The following ZNF567 variants were observed in gnomAD, a reference collection of about 807,000 sequenced individuals.
ZNF567 encodes zinc finger protein 567.
ZNF567 carries 36 observed loss-of-function variants against 53.9 expected under a neutral mutation model. The ratio of observed to expected loss-of-function variants is 0.67; its 90% CI spans 0.51 to 0.88. The LOEUF (loss-of-function observed/expected upper bound fraction) is 0.88. ZNF567 is among the 40% of genes least tolerant of loss of function. The probability of loss-of-function intolerance (pLI) is 0.00; values close to 1 mark genes in which losing one functional copy is unlikely to be tolerated. For synonymous variants in ZNF567, 224 were observed against 260.4 expected (o/e 0.86, Z 1.35); for missense variants, 619 against 764.7 (o/e 0.81, Z 2.25).
intron 3 of ZNF567, among the ~76,000 whole-genome samples, chr19:36,711,072 TTGTG>T (rs34088180): frequency 1.3e-5 from 2 of 150,298 alleles, no homozygotes; most frequent in African/African-American, 2.4e-5. Context: ...CTCTCACTTT[TTGTG>T]TGTGTGTGTG....
At chr19:36,713,074 A>G (rs2039870706) in intron 5 of ZNF567, among the ~76,000 whole-genome samples, 1 of 152,178 alleles carries the variant, frequency 6.6e-6, no homozygotes, top group Non-Finnish European at 1.5e-5. Flanking sequence ...TTGGGAGGCC[A>G]AGGTGAGAGG....
the ZNF567 span, among the ~76,000 whole-genome samples, chr19:36,667,667 T>A: frequency 6.7e-6 from 1 of 150,360 alleles, no homozygotes; most frequent in Admixed American, 6.6e-5. Context: ...TTTTTTTTTT[T>A]TTGAGACGGA....
At chr19:36,703,428 G>A (rs1375580904) in intron 3 of ZNF567, among the ~76,000 whole-genome samples, 1 of 152,124 alleles carries the variant, frequency 6.6e-6, no homozygotes, top group Non-Finnish European at 1.5e-5. Context: ...ATCTCCAGCT[G>A]CATGCTGGGA....
At chr19:36,716,188 C>A (rs2040057641) in intron 5 of ZNF567, among the ~76,000 whole-genome samples, 1 of 152,038 alleles carries the variant, frequency 6.6e-6, no homozygotes, top group Non-Finnish European at 1.5e-5. Context: ...CTCATCTGGT[C>A]TTTTCAACTT....
At chr19:36,693,032 A>G (rs1199959316) in intron 2 of ZNF567, among the ~76,000 whole-genome samples, 1 of 152,074 alleles carries the variant, frequency 6.6e-6, no homozygotes, top group Admixed American at 6.6e-5. Context: ...TCACACCTAT[A>G]ATCCCAGCAC....
At chr19:36,691,055 G>A (rs2038579928) in intron 2 of ZNF567, among the ~76,000 whole-genome samples, 1 of 152,194 alleles carries the variant, frequency 6.6e-6, no homozygotes, top group African/African-American at 2.4e-5. Flanking sequence ...GATTAACCAA[G>A]TACAGTGCCA....
intron 5 of ZNF567, among the ~76,000 whole-genome samples, chr19:36,717,302 T>G (rs1455180055): frequency 6.6e-6 from 1 of 152,108 alleles, no homozygotes; most frequent in East Asian, 1.9e-4. Flanking sequence ...GAGCTTAAAA[T>G]GGTAGGGGAA....
chr19:36,673,557 C>T, the ZNF567 span, among the ~76,000 whole-genome samples: 1 of 152,140 alleles, frequency 6.6e-6, no homozygotes, highest in Admixed American at 6.6e-5. Flanking sequence ...CTTTAGACTT[C>T]GAATCACAAC....
chr19:36,716,306 T>C (rs920717961), intron 5 of ZNF567, among the ~76,000 whole-genome samples: 3 of 152,196 alleles, frequency 2.0e-5, no homozygotes, highest in African/African-American at 7.2e-5. Context: ...TGTTGTGTTC[T>C]CCCTTTATAC....
the ZNF567 span, among the ~76,000 whole-genome samples, chr19:36,673,734 C>T: frequency 6.6e-6 from 1 of 152,082 alleles, no homozygotes; most frequent in African/African-American, 2.4e-5. Context: ...TGTTCTGTTT[C>T]TCTAGAGAAC....
intron 5 of ZNF567, among the ~76,000 whole-genome samples, chr19:36,715,285 G>A (rs1305978288): frequency 3.3e-5 from 5 of 149,658 alleles, no homozygotes; most frequent in Non-Finnish European, 7.4e-5. Flanking sequence ...CTCAGCCTCT[G>A]GGGTAGCTGG....
chr19:36,720,607 A>G lies in ZNF567; in HGVS notation c.1883A>G (p.Tyr628Cys). 6.3e-7 allele frequency: 1 copy of G among 1,595,140 alleles called. No homozygotes were observed. The highest frequency in any genetic ancestry group is 8.5e-7 in the Non-Finnish European group (1 of 1,171,490). ...VCNECGKSFS[Y>C]KRNLIVHQRT... Reference sequence around the variant, plus strand: ...AATGAGTGTGGTAAGTCTTTCAGTTATAAGAGAAACCTCATTGTCCATCAA... The same window carrying G: ...AATGAGTGTGGTAAGTCTTTCAGTTGTAAGAGAAACCTCATTGTCCATCAA... The change falls in exon 6 of 6, where the codon TAT (tyrosine) becomes TGT (cysteine). Residue 628 changes from tyrosine to cysteine, a missense_variant. Coordinates refer to ENST00000682579, the MANE Select transcript of ZNF567 (RefSeq NM_001322917.1).
the ZNF567 span, among the ~76,000 whole-genome samples, chr19:36,676,988 T>C: frequency 6.6e-6 from 1 of 151,296 alleles, no homozygotes; most frequent in Non-Finnish European, 1.5e-5. Flanking sequence ...AAACCCTGTC[T>C]CTACTAAAAA....
At chr19:36,709,722 C>A (rs2039680344) in intron 3 of ZNF567, among the ~76,000 whole-genome samples, 1 of 151,108 alleles carries the variant, frequency 6.6e-6, no homozygotes, top group South Asian at 2.1e-4. Flanking sequence ...CCTCAGCCCT[C>A]CAAAGTGCCC....
intron 3 of ZNF567, among the ~76,000 whole-genome samples, chr19:36,707,951 A>G (rs1014441948): frequency 6.6e-6 from 1 of 152,042 alleles, no homozygotes; most frequent in South Asian, 2.1e-4. Context: ...GCTGGAGTGC[A>G]GTGGTACAAT....
chr19:36,695,267 G>A (rs2038824706), intron 3 of ZNF567, among the ~76,000 whole-genome samples: 1 of 150,674 alleles, frequency 6.6e-6, no homozygotes, highest in Non-Finnish European at 1.5e-5. Flanking sequence ...GGTGGCTCAC[G>A]CCTGTAATCC....
Position 36,720,594 on chromosome 19 carries a change from A to C in ZNF567, c.1870A>C (p.Lys624Gln), listed in dbSNP as rs2040267546. The C allele has an allele frequency of 6.2e-7, 1 of 1,608,478 alleles. No homozygotes were observed. The highest frequency in any genetic ancestry group is 2.2e-5 in the East Asian group (1 of 44,806). ...ACCCTATGTTTGTAATGAGTGTGGT[A>C]AGTCTTTCAGTTATAAGAGAAACCT... ...EKPYVCNECG[K>Q]SFSYKRNLIV... Residue 624 changes from lysine (K) to glutamine (Q), a missense_variant, in exon 6 of 6, where the codon AAG (lysine) becomes CAG (glutamine). Transcript: ENST00000682579.
At chr19:36,693,415 T>C (rs2038721858) in intron 2 of ZNF567, among the ~76,000 whole-genome samples, 1 of 152,078 alleles carries the variant, frequency 6.6e-6, no homozygotes. Context: ...GCCATGATCA[T>C]GCCACTGTAT....
At chr19:36,709,273 A>T (rs2039652171) in intron 3 of ZNF567, among the ~76,000 whole-genome samples, 1 of 152,212 alleles carries the variant, frequency 6.6e-6, no homozygotes, top group South Asian at 2.1e-4. Flanking sequence ...ATTGAAACAC[A>T]TCTTTGCTCA....
Sources: gnomAD v4.1 joint callset for allele counts (sites outside exome capture counted in the v4.1 genomes callset) on GRCh38, gnomAD v4.1.1 for gene constraint, MANE v1.5 for transcripts, NCBI Gene and HGNC (gene_info 2026-07-23, HGNC 2026-07-21) for gene names.